Variants in SLC9B2 observed in about 807,000 individuals in gnomAD.
SLC9B2 encodes the protein solute carrier family 9 member B2.
In SLC9B2, 39 loss-of-function variants were observed where a neutral mutation model predicts 52.2. The observed-to-expected ratio is 0.75, with a 90% CI of 0.58 to 0.98. The LOEUF (loss-of-function observed/expected upper bound fraction) is 0.98. SLC9B2 is among the 50% of genes least tolerant of loss of function. The probability of loss-of-function intolerance (pLI) is 0.00; values close to 1 mark genes in which losing one functional copy is unlikely to be tolerated. For synonymous variants in SLC9B2, 214 were observed against 227.0 expected (o/e 0.94, Z 0.51); for missense variants, 626 against 637.5 (o/e 0.98, Z 0.19).
Position 103,024,447 on chromosome 4 carries a change from T to C in SLC9B2, c.*1923A>G, listed in dbSNP as rs541654326. ...GCACCATAGGGTAACCAAAGCAAAG[T>C]TGACATAAAATTGAAGGCTATTTAG... On this transcript the variant is annotated 3_prime_UTR_variant, in exon 12 of 12. Transcript: ENST00000394785. 5.3e-5 allele frequency among the ~76,000 whole-genome samples: 8 copies of C among 152,270 alleles called. No homozygotes were observed. Among genetic ancestry groups the C allele is most frequent in the African/African-American group, 1.4e-4 (6 of 41,556 alleles).
downstream of SLC9B2, chr4:103,019,887 T>A: frequency 1.0e-6 from 1 of 986,560 alleles, no homozygotes; most frequent in Non-Finnish European, 1.2e-6. Context: ...CTCATCGGGT[T>A]GTAGAAATCC....
chr4:103,046,912 G>T, intron 7 of SLC9B2, 139 bp downstream of exon 7: 1 of 980,640 alleles, frequency 1.0e-6, no homozygotes, highest in Non-Finnish European at 1.5e-6. Context: ...ACCCTCCTTA[G>T]GTACAGAACT....
At position 103,024,835 on chromosome 4, in the gene SLC9B2, T is replaced by C. The variant is rs1364908155; in HGVS notation, c.*1535A>G. Among the ~76,000 whole-genome samples the C allele has an allele frequency of 2.0e-5, 3 of 152,336 alleles. No homozygotes were observed. Among genetic ancestry groups the C allele is most frequent in the African/African-American group, 4.8e-5 (2 of 41,584 alleles). ...TATGAGTGATACACAAAAGCAGAGA[T>C]GGCCTGTTACAAAGTAGGATAAAAT... On this transcript the variant is annotated 3_prime_UTR_variant, in exon 12 of 12. Transcript: ENST00000394785.
intron 4 of SLC9B2, among the ~76,000 whole-genome samples, chr4:103,053,115 T>A (rs1744836531): frequency 6.6e-6 from 1 of 152,148 alleles, no homozygotes; most frequent in Non-Finnish European, 1.5e-5. Context: ...GTTTTTTTTT[T>A]ATTATTTGTG....
chr4:103,071,150 T>G (rs1309415050), intron 1 of SLC9B2, among the ~76,000 whole-genome samples: 1 of 151,826 alleles, frequency 6.6e-6, no homozygotes, highest in East Asian at 1.9e-4. Context: ...CTAAGAAAGA[T>G]TTTCTTATGT....
intron 4 of SLC9B2, among the ~76,000 whole-genome samples, chr4:103,057,295 T>TATATATATATATATACAC (rs1560555252): frequency 6.2e-5 from 9 of 145,996 alleles, no homozygotes; most frequent in African/African-American, 2.3e-4. Context: ...CACACATATA[T>TATATATATATATATACAC]ACACACACAC....
intron 11 of SLC9B2, among the ~76,000 whole-genome samples, chr4:103,027,207 C>A (rs1452434125): frequency 1.3e-5 from 2 of 152,110 alleles, no homozygotes; most frequent in African/African-American, 4.8e-5. Context: ...ACATAAAGTT[C>A]TATGTACTAA....
At chr4:103,045,670 T>C (rs1275448400) in intron 7 of SLC9B2, among the ~76,000 whole-genome samples, 1 of 152,102 alleles carries the variant, frequency 6.6e-6, no homozygotes, top group African/African-American at 2.4e-5. Context: ...GGAAGGTTCT[T>C]CGAGCTGTAG....
intron 1 of SLC9B2, among the ~76,000 whole-genome samples, chr4:103,072,187 T>C (rs1746716295): frequency 1.3e-5 from 2 of 150,936 alleles, no homozygotes; most frequent in Admixed American, 1.3e-4. Flanking sequence ...GCCTCCCGAG[T>C]AGCTGGGATT....
intron 10 of SLC9B2, among the ~76,000 whole-genome samples, chr4:103,030,073 A>G (rs75419161): frequency 6.6e-6 from 1 of 152,174 alleles, no homozygotes; most frequent in Non-Finnish European, 1.5e-5. Context: ...TATCATTCCC[A>G]GAAGGAAACA....
chr4:103,071,090 C>T (rs770116927), intron 1 of SLC9B2, among the ~76,000 whole-genome samples: 7 of 151,788 alleles, frequency 4.6e-5, no homozygotes, highest in Non-Finnish European at 8.8e-5. Context: ...CAGCAGTTGC[C>T]TTTGGGAAGG....
intron 1 of SLC9B2, among the ~76,000 whole-genome samples, chr4:103,071,670 C>A (rs1316625703): frequency 1.3e-5 from 2 of 152,058 alleles, no homozygotes; most frequent in Admixed American, 6.6e-5. Context: ...AGCTACCACA[C>A]CCGGCTAATT....
chr4:103,040,060 A>C (rs900095818), intron 9 of SLC9B2, among the ~76,000 whole-genome samples: 2 of 152,122 alleles, frequency 1.3e-5, no homozygotes, highest in Non-Finnish European at 2.9e-5. Flanking sequence ...AAGTTGCTCT[A>C]ATGTTTACCT....
At chr4:103,049,854 A>G (rs1744507072) in intron 5 of SLC9B2, among the ~76,000 whole-genome samples, 1 of 152,132 alleles carries the variant, frequency 6.6e-6, no homozygotes, top group Admixed American at 6.6e-5. Flanking sequence ...TCTACTAAAA[A>G]TACAAAAATT....
chr4:103,018,286 A>G (rs934242377), downstream of SLC9B2, among the ~76,000 whole-genome samples: 1 of 152,170 alleles, frequency 6.6e-6, no homozygotes, highest in Non-Finnish European at 1.5e-5. Context: ...CAACTGAAAA[A>G]CAGCAGTATA....
At chr4:103,072,153 G>T (rs2110673953) in intron 1 of SLC9B2, among the ~76,000 whole-genome samples, 1 of 144,704 alleles carries the variant, frequency 6.9e-6, no homozygotes, top group South Asian at 2.2e-4. Context: ...CTGCCTTCCG[G>T]TTTCAAGCTA....
downstream of SLC9B2, among the ~76,000 whole-genome samples, chr4:103,018,438 A>G (rs1366036920): frequency 3.9e-5 from 6 of 152,246 alleles, no homozygotes; most frequent in Non-Finnish European, 8.8e-5. Context: ...GACAATACCT[A>G]TGAATGCCCT....
At position 103,051,745 on chromosome 4, in the gene SLC9B2, T is replaced by TA. The variant is rs756507013; in HGVS notation, c.443-1364dup. On this transcript the variant is annotated intron_variant, in intron 4 of 11. Transcript: ENST00000394785. ...TGCCCTTCCAGAAAGTTTCTGTACC[T>TA]ATTCAAGTATATTTCTGTGTGTATA... is the stretch of plus-strand genomic sequence containing the variant. Among the ~76,000 whole-genome samples, 14 of 152,228 alleles carry TA rather than the reference T, an allele frequency of 9.2e-5. 1 individual carries two copies. The highest frequency in any genetic ancestry group is 1.5e-4 in the Non-Finnish European group (10 of 68,046).
chr4:103,020,275 A>C, downstream of SLC9B2: 1 of 412,268 alleles, frequency 2.4e-6, no homozygotes, highest in Non-Finnish European at 4.7e-6. Context: ...TTTCCGCATG[A>C]AATCTTATGT....
Sources: allele counts gnomAD v4.1 joint callset (sites outside exome capture counted in the v4.1 genomes callset), GRCh38; gene constraint gnomAD v4.1.1; transcripts MANE v1.5; gene names NCBI Gene and HGNC (gene_info 2026-07-23, HGNC 2026-07-21).